Variants in GALNT17 observed in about 807,000 individuals in gnomAD.
The protein encoded by GALNT17 is polypeptide N-acetylgalactosaminyltransferase 17.
In GALNT17, 29 loss-of-function variants were observed where a neutral mutation model predicts 63.7. That is an observed-to-expected ratio of 0.46 (90% CI 0.34 to 0.62). The LOEUF is 0.62. Ranked by LOEUF, GALNT17 falls within the 20% of genes least tolerant of loss-of-function variation. The pLI, the probability that GALNT17 is intolerant of heterozygous loss-of-function variation, is 0.01. For synonymous variants in GALNT17, 305 were observed against 318.3 expected (o/e 0.96, Z 0.45); for missense variants, 603 against 799.6 (o/e 0.75, Z 2.97).
intron 9 of GALNT17, among the ~76,000 whole-genome samples, chr7:71,690,653 G>A (rs891361846): frequency 6.6e-6 from 1 of 152,178 alleles, no homozygotes; most frequent in Non-Finnish European, 1.5e-5. Context: ...ATACCAGTAA[G>A]CATGTTTGTG....
chr7:71,413,326 G>T (rs1281036184), intron 3 of GALNT17, among the ~76,000 whole-genome samples: 1 of 151,884 alleles, frequency 6.6e-6, no homozygotes, highest in East Asian at 1.9e-4. Context: ...GGGGCCATTA[G>T]CCTCATTTAC....
chr7:71,512,461 T>G (rs1788376220), intron 5 of GALNT17, among the ~76,000 whole-genome samples: 1 of 152,156 alleles, frequency 6.6e-6, no homozygotes, highest in Admixed American at 6.6e-5. Context: ...TGTCTCTGAC[T>G]CATAAAAGAC....
intron 5 of GALNT17, among the ~76,000 whole-genome samples, chr7:71,507,370 T>G (rs1584012014): frequency 6.6e-6 from 1 of 152,216 alleles, no homozygotes; most frequent in Admixed American, 6.5e-5. Flanking sequence ...GGCAATTTAT[T>G]TTTTTATATA....
At chr7:71,694,312 G>A (rs1031505651) in intron 9 of GALNT17, among the ~76,000 whole-genome samples, 26 of 151,124 alleles carry the variant, frequency 1.7e-4, no homozygotes, top group African/African-American at 4.9e-4. Flanking sequence ...GAGTCAAACC[G>A]TATCAATCTC....
At chr7:71,582,171 G>T (rs780334416) in intron 6 of GALNT17, among the ~76,000 whole-genome samples, 11 of 152,084 alleles carry the variant, frequency 7.2e-5, no homozygotes, top group Non-Finnish European at 1.5e-4. Flanking sequence ...CAGAGGAAAA[G>T]AAGTCATTTT....
intron 5 of GALNT17, among the ~76,000 whole-genome samples, chr7:71,470,276 A>G (rs145369575): frequency 1.3e-4 from 20 of 152,260 alleles, no homozygotes; most frequent in South Asian, 1.2e-3. Flanking sequence ...CAGCAATGAT[A>G]CATTATAAAA....
rs74897640 is a variant in GALNT17 at position 71,392,787 on chromosome 7, C to T, written c.589+4386C>T. ...AGTTGACGATATTAACATGATCTCC[C>T]TCTTTTCAGTTCCTGGTTCTGTTCT... is the stretch of plus-strand genomic sequence containing the variant. On this transcript the variant is annotated intron_variant, in intron 3 of 10. Transcript: ENST00000333538. Among the ~76,000 whole-genome samples, 179 of 152,278 alleles carry T rather than the reference C, an allele frequency of 1.2e-3. 1 individual carries two copies. Among genetic ancestry groups the T allele is most frequent in the African/African-American group, 4.2e-3 (173 of 41,566 alleles).
At chr7:71,246,331 C>G (rs1385567322) in intron 1 of GALNT17, among the ~76,000 whole-genome samples, 1 of 151,284 alleles carries the variant, frequency 6.6e-6, no homozygotes, top group East Asian at 2.0e-4. Context: ...CCATGTTGGC[C>G]AGGCTGGTTT....
intron 5 of GALNT17, among the ~76,000 whole-genome samples, chr7:71,451,412 T>G (rs1787261017): frequency 6.6e-6 from 1 of 152,174 alleles, no homozygotes; most frequent in Non-Finnish European, 1.5e-5. Context: ...TTTAAAAGCT[T>G]CTATATGTTT....
intron 5 of GALNT17, among the ~76,000 whole-genome samples, chr7:71,567,258 T>C (rs910744053): frequency 1.3e-5 from 2 of 152,098 alleles, no homozygotes; most frequent in African/African-American, 4.8e-5. Flanking sequence ...TCCCCTGGCA[T>C]AGTCCAGGGT....
At position 71,377,112 on chromosome 7, in the gene GALNT17, A is replaced by ATATATAT. The variant is rs1563047568; in HGVS notation, c.423-11123_423-11122insTATATAT. 1.2e-3 allele frequency among the ~76,000 whole-genome samples: 68 copies of ATATATAT among 57,220 alleles called. 2 individuals are homozygous for ATATATAT. Among genetic ancestry groups the ATATATAT allele is most frequent in the Admixed American group, 3.2e-3 (15 of 4,644 alleles). The allele number at this position is 57,220 out of a possible 152,430, so 37.5% of individuals were successfully genotyped here. ...AAAAAAAAAAAAAATAAAAATAAAA[A>ATATATAT]AAATATATATATATATATATATATA... On this transcript the variant is annotated intron_variant, in intron 2 of 10. Coordinates refer to ENST00000333538, the MANE Select transcript of GALNT17 (RefSeq NM_022479.3).
At chr7:71,519,718 C>G (rs2116747278) in intron 5 of GALNT17, among the ~76,000 whole-genome samples, 1 of 152,260 alleles carries the variant, frequency 6.6e-6, no homozygotes, top group South Asian at 2.1e-4. Context: ...CCTGCCTCGG[C>G]CTCCCAAAGT....
chr7:71,498,467 A>C (rs1233619577), intron 5 of GALNT17, among the ~76,000 whole-genome samples: 1 of 152,164 alleles, frequency 6.6e-6, no homozygotes, highest in Non-Finnish European at 1.5e-5. Flanking sequence ...TCTCAAAAAA[A>C]TAAATAAAAG....
chr7:71,615,306 G>C (rs993021047), intron 6 of GALNT17, among the ~76,000 whole-genome samples: 4 of 151,866 alleles, frequency 2.6e-5, no homozygotes, highest in African/African-American at 7.3e-5. Flanking sequence ...TGCTCCCCTT[G>C]TCCCAGGCTG....
intron 8 of GALNT17, among the ~76,000 whole-genome samples, chr7:71,675,006 A>C (rs149397494): frequency 0.019 from 2,853 of 152,188 alleles, 90 homozygotes; most frequent in African/African-American, 0.064. Context: ...CAATATGGTG[A>C]AACCCTGTCT....
intron 5 of GALNT17, among the ~76,000 whole-genome samples, chr7:71,438,159 A>G (rs1266384931): frequency 2.0e-5 from 3 of 152,304 alleles, no homozygotes; most frequent in African/African-American, 2.4e-5. Context: ...ATGTATGTAT[A>G]TGGGTTTAAT....
chr7:71,532,958 C>A (rs1788745459), intron 5 of GALNT17, among the ~76,000 whole-genome samples: 1 of 152,096 alleles, frequency 6.6e-6, no homozygotes. Flanking sequence ...AGAGTGTGTG[C>A]CCCACCTCCA....
chr7:71,462,022 G>A (rs1319899928), intron 5 of GALNT17, among the ~76,000 whole-genome samples: 1 of 152,176 alleles, frequency 6.6e-6, no homozygotes, highest in African/African-American at 2.4e-5. Context: ...CTTCAAGGAT[G>A]CAGAGGTCTG....
chr7:71,297,068 A>G (rs921256190), intron 1 of GALNT17, among the ~76,000 whole-genome samples: 4 of 152,202 alleles, frequency 2.6e-5, no homozygotes, highest in Non-Finnish European at 5.9e-5. Flanking sequence ...CCTTTTCTTA[A>G]GCACACCTCA....
Sources: allele counts gnomAD v4.1 joint callset (sites outside exome capture counted in the v4.1 genomes callset), GRCh38; gene constraint gnomAD v4.1.1; transcripts MANE v1.5; gene names NCBI Gene and HGNC (gene_info 2026-07-23, HGNC 2026-07-21).